The following WDR49 variants were observed in gnomAD, a reference collection of about 807,000 sequenced individuals.
WDR49 encodes cilia- and flagella-associated protein 337.
Under a neutral mutation model 119.5 loss-of-function variants are expected in WDR49, and 107 were observed. The ratio of observed to expected loss-of-function variants is 0.90; its 90% CI spans 0.77 to 1.05. WDR49 has a LOEUF of 1.05. WDR49 is among the 50% of genes least tolerant of loss of function. The pLI, the probability that WDR49 is intolerant of heterozygous loss-of-function variation, is 0.00. For synonymous variants in WDR49, 425 were observed against 418.8 expected (o/e 1.01, Z -0.18); for missense variants, 1,240 against 1,220.5 (o/e 1.02, Z -0.24).
At chr3:167,641,487 T>C (rs1717880380) in intron 2 of WDR49, among the ~76,000 whole-genome samples, 1 of 151,886 alleles carries the variant, frequency 6.6e-6, no homozygotes, top group South Asian at 2.1e-4. Context: ...CCTAGCTGAT[T>C]TATATGACCC....
intron 18 of WDR49, among the ~76,000 whole-genome samples, chr3:167,486,632 C>A (rs762634681): frequency 6.6e-6 from 1 of 151,862 alleles, no homozygotes; most frequent in Admixed American, 6.6e-5. Context: ...AGATTTTAAA[C>A]AAATAAAAAT....
Position 167,604,309 on chromosome 3 carries a change from T to A in WDR49, c.1118A>T (p.Asn373Ile), listed in dbSNP as rs948303483. The A allele has an allele frequency of 8.1e-6, 13 of 1,613,394 alleles. No individual in the cohort carries two copies. The East Asian group carries it at 2.9e-4, about 36-fold the overall frequency. The change falls in exon 6 of 19, where the codon AAT (asparagine) becomes ATT (isoleucine). Residue 373 changes from asparagine (N) to isoleucine (I), a missense_variant. By Grantham distance (149) the Asn-to-Ile change is moderately radical. Coordinates refer to ENST00000682715, the MANE Select transcript of WDR49 (RefSeq NM_001366157.1). The part of the protein sequence containing the change: ...IHAFDYHSRL[N>I]LIATAGINNK... The stretch of plus-strand genomic sequence containing the variant: ...TGATTTATTTTACCTACCAATTAAA[T>A]TGAGCCGAGAGTGATAATCAAAAGC...
At chr3:167,641,781 A>G (rs1252068411) in intron 2 of WDR49, among the ~76,000 whole-genome samples, 1 of 152,006 alleles carries the variant, frequency 6.6e-6, no homozygotes, top group Non-Finnish European at 1.5e-5. Flanking sequence ...AGGTTGAATG[A>G]ACCAAACTAC....
intron 18 of WDR49, among the ~76,000 whole-genome samples, chr3:167,486,216 A>T (rs1750911175): frequency 1.3e-5 from 2 of 152,188 alleles, no homozygotes; most frequent in Non-Finnish European, 2.9e-5. Context: ...ATTTATTTCA[A>T]TGTGATCAGC....
At chr3:167,536,712 C>CATAT (rs57802270) in intron 11 of WDR49, among the ~76,000 whole-genome samples, 158 bp downstream of exon 11, 2,948 of 136,770 alleles carry the variant, frequency 0.022, 57 homozygotes, top group African/African-American at 0.057. Context: ...TATACACACA[C>CATAT]ATATATATAT....
chr3:167,549,415 G>C (rs1021620708), intron 10 of WDR49, among the ~76,000 whole-genome samples: 2 of 152,132 alleles, frequency 1.3e-5, no homozygotes, highest in Admixed American at 6.5e-5. Context: ...TCTCATTGTG[G>C]TTTTGATTTG....
intron 9 of WDR49, among the ~76,000 whole-genome samples, chr3:167,557,183 C>A (rs957024690): frequency 3.3e-5 from 5 of 151,934 alleles, no homozygotes; most frequent in African/African-American, 9.7e-5. Context: ...GGCAACAGAG[C>A]AAGACTCTGT....
At chr3:167,546,712 A>C (rs934062651) in intron 10 of WDR49, among the ~76,000 whole-genome samples, 6 of 151,716 alleles carry the variant, frequency 4.0e-5, no homozygotes, top group African/African-American at 1.5e-4. Context: ...AAAAAGAAAA[A>C]TATTTAAAAC....
intron 7 of WDR49, among the ~76,000 whole-genome samples, chr3:167,579,113 A>G (rs1177244587): frequency 6.6e-6 from 1 of 152,114 alleles, no homozygotes; most frequent in Non-Finnish European, 1.5e-5. Context: ...ACCTTCTGCC[A>G]TAATTGTATA....
At chr3:167,575,005 G>C (rs1317863185) in intron 8 of WDR49, 1 of 963,386 alleles carries the variant, frequency 1.0e-6, no homozygotes, top group African/African-American at 1.8e-5. Context: ...TACTAACAAA[G>C]GGCTTTCCAC....
intron 16 of WDR49, among the ~76,000 whole-genome samples, chr3:167,518,941 C>A (rs574623106): frequency 8.1e-5 from 12 of 148,232 alleles, no homozygotes; most frequent in Middle Eastern, 3.5e-3. Context: ...AAAAAAAAAA[C>A]AACCCCATTA....
At position 167,479,009 on chromosome 3, in the gene WDR49, G is replaced by A. The variant is rs111344697; in HGVS notation, c.3032-13C>T. On this transcript the variant is annotated splice_polypyrimidine_tract_variant and intron_variant, in intron 18 of 18. Transcript: ENST00000682715. The stretch of plus-strand genomic sequence containing the variant: ...ACAGCTTTCAAAGCTACAAAATGAT[G>A]AGGAAAATCACAAGTGAATTATATT... 423 of 1,538,924 alleles carry A rather than the reference G, an allele frequency of 2.7e-4. 1 individual carries two copies. In the African/African-American group the frequency reaches 3.5e-3, roughly 13 times the overall value.
At chr3:167,642,948 C>CAG (rs1355700921) in intron 2 of WDR49, among the ~76,000 whole-genome samples, 1 of 151,708 alleles carries the variant, frequency 6.6e-6, no homozygotes, top group African/African-American at 2.4e-5. Flanking sequence ...AGACTCAAGG[C>CAG]AGAGAGAGAG....
chr3:167,626,705 A>G (rs2108326944), intron 3 of WDR49, 147 bp downstream of exon 3: 1 of 553,126 alleles, frequency 1.8e-6, no homozygotes, highest in East Asian at 3.5e-5. Context: ...GGCACCCAAG[A>G]AAACAGCTGG....
intron 8 of WDR49, among the ~76,000 whole-genome samples, chr3:167,574,198 G>C (rs1353827101): frequency 6.6e-6 from 1 of 152,140 alleles, no homozygotes; most frequent in African/African-American, 2.4e-5. Flanking sequence ...TTCCCTTAAA[G>C]AGTTGAATCT....
chr3:167,628,256 G>C lies in WDR49; in HGVS notation c.166-964C>G, dbSNP rs192142214. Among the ~76,000 whole-genome samples the C allele has an allele frequency of 2.0e-3, 308 of 152,102 alleles. 1 individual carries two copies. The highest frequency in any genetic ancestry group is 7.0e-3 in the African/African-American group (291 of 41,514). On this transcript the variant is annotated intron_variant, in intron 2 of 18. Transcript: ENST00000682715. ...GCCTCCAAATGTTTAAGTAAAGTCA[G>C]AGTTTCACGTCTCTCACTTTAAATC...
intron 2 of WDR49, among the ~76,000 whole-genome samples, chr3:167,649,464 A>T (rs1718273262): frequency 6.6e-6 from 1 of 152,164 alleles, no homozygotes; most frequent in Non-Finnish European, 1.5e-5. Context: ...AATCCCCAAG[A>T]TACTGTTGAG....
At chr3:167,638,526 T>C (rs1246174855) in intron 2 of WDR49, among the ~76,000 whole-genome samples, 1 of 151,588 alleles carries the variant, frequency 6.6e-6, no homozygotes, top group Non-Finnish European at 1.5e-5. Flanking sequence ...GCATATTGGT[T>C]ATGAATATGT....
rs907179390 is a variant in WDR49 at position 167,620,582 on chromosome 3, C to A, written c.805G>T (p.Ala269Ser). Residue 269 changes from alanine to serine, a missense_variant, in exon 5 of 19, where the codon GCA (alanine) becomes TCA (serine). Ala to Ser is a moderately conservative substitution (Grantham distance 99). Transcript: ENST00000682715. ...CGTTCAAACAGGGAAATCAAGGCTG[C>A]GGTGAAAGCAATTGCTTGAACCTTG... ...TGKVQAIAFT[A>S]ALISLFERPA... 7.2e-6 allele frequency: 11 copies of A among 1,533,368 alleles called. No individual in the cohort carries two copies. Among genetic ancestry groups the A allele is most frequent in the Non-Finnish European group, 9.6e-6 (11 of 1,145,388 alleles). 95.0% of individuals were successfully genotyped at this position (1,533,368 alleles called of 1,614,324 possible).
Sources: allele counts gnomAD v4.1 joint callset (sites outside exome capture counted in the v4.1 genomes callset), GRCh38; gene constraint gnomAD v4.1.1; transcripts MANE v1.5; gene names NCBI Gene and HGNC (gene_info 2026-07-23, HGNC 2026-07-21).